The following AQP7B variants were observed in gnomAD, a reference collection of about 807,000 sequenced individuals.
AQP7B encodes putative aquaporin-7B.
the AQP7B span, among the ~76,000 whole-genome samples, chr2:94,602,811 A>G: frequency 6.6e-6 from 1 of 151,818 alleles, no homozygotes; most frequent in Admixed American, 6.6e-5. Context: ...CTGACCTACC[A>G]TTTTCACTGG....
chr2:94,603,331 C>A, the AQP7B span: 1 of 1,548,266 alleles, frequency 6.5e-7, no homozygotes. Flanking sequence ...TTCTGGGACC[C>A]CAGTGGGGCT....
At chr2:94,593,211 G>C in the AQP7B span, among the ~76,000 whole-genome samples, 1 of 152,020 alleles carries the variant, frequency 6.6e-6, no homozygotes, top group East Asian at 1.9e-4. Context: ...GAATGGCCTA[G>C]AGGAGAGGGT....
chr2:94,596,842 G>A, the AQP7B span, among the ~76,000 whole-genome samples: 1 of 152,110 alleles, frequency 6.6e-6, no homozygotes, highest in Admixed American at 6.5e-5. Context: ...TGGGACTACA[G>A]GCACGTGCCA....
the AQP7B span, chr2:94,594,948 A>G: frequency 1.2e-6 from 1 of 846,508 alleles, no homozygotes; most frequent in Non-Finnish European, 1.9e-6. Context: ...TGCTGACCCC[A>G]TGGGTCACAT....
At chr2:94,602,631 G>C in the AQP7B span, 1 of 1,580,198 alleles carries the variant, frequency 6.3e-7, no homozygotes, top group Admixed American at 1.7e-5. Context: ...TGAGCCCAGG[G>C]CCTACCAGAC....
the AQP7B span, among the ~76,000 whole-genome samples, chr2:94,596,927 C>T: frequency 0.022 from 3,293 of 152,202 alleles, 123 homozygotes; most frequent in African/African-American, 0.076. Context: ...CTCGAACTCC[C>T]GAATTCAGGT....
chr2:94,587,657 C>T, the AQP7B span, among the ~76,000 whole-genome samples: 435 of 152,196 alleles, frequency 2.9e-3, 2 homozygotes, highest in African/African-American at 9.8e-3. Flanking sequence ...GTTGGGAGGA[C>T]CAGCAGTAGA....
At chr2:94,595,518 A>G in the AQP7B span, among the ~76,000 whole-genome samples, 4 of 152,114 alleles carry the variant, frequency 2.6e-5, no homozygotes, top group African/African-American at 7.2e-5. Context: ...CTGGAGGGCA[A>G]TGGGTGATGT....
chr2:94,589,992 C>A, the AQP7B span, among the ~76,000 whole-genome samples: 1 of 152,204 alleles, frequency 6.6e-6, no homozygotes. Context: ...CAGGCCACCA[C>A]CCGCCCATTC....
At chr2:94,599,384 C>A in the AQP7B span, among the ~76,000 whole-genome samples, 3 of 152,148 alleles carry the variant, frequency 2.0e-5, no homozygotes, top group Non-Finnish European at 2.9e-5. Context: ...GCCTCTCCCC[C>A]ACCATATCTG....
At chr2:94,604,418 G>T in the AQP7B span, 11 of 1,611,434 alleles carry the variant, frequency 6.8e-6, no homozygotes, top group Non-Finnish European at 9.3e-6. Context: ...GGACTCTGTG[G>T]CGTATGAAGA....
chr2:94,592,014 T>C, the AQP7B span, among the ~76,000 whole-genome samples: 14 of 152,338 alleles, frequency 9.2e-5, 1 homozygote, highest in Admixed American at 2.6e-4. Flanking sequence ...GCATAGTGGA[T>C]TCAAGAAATC....
chr2:94,601,039 C>T, the AQP7B span, among the ~76,000 whole-genome samples: 1 of 152,164 alleles, frequency 6.6e-6, no homozygotes, highest in Non-Finnish European at 1.5e-5. Flanking sequence ...GAGCAAAACC[C>T]TATCTCAAGC....
the AQP7B span, among the ~76,000 whole-genome samples, chr2:94,591,565 T>C: frequency 6.6e-6 from 1 of 152,056 alleles, no homozygotes; most frequent in Non-Finnish European, 1.5e-5. Context: ...CCTGCTGAAA[T>C]CCTCCACTTG....
the AQP7B span, chr2:94,604,206 TCAAC>T: frequency 7.2e-7 from 1 of 1,392,442 alleles, no homozygotes; most frequent in South Asian, 1.4e-5. Flanking sequence ...ACTCCTCTGC[TCAAC>T]CAGTCTTCGC....
chr2:94,587,877 G>A, the AQP7B span, among the ~76,000 whole-genome samples: 2 of 152,072 alleles, frequency 1.3e-5, no homozygotes, highest in African/African-American at 4.8e-5. Flanking sequence ...AGTCAGGGCT[G>A]GAGATAAGAG....
the AQP7B span, chr2:94,604,605 C>G: frequency 6.5e-7 from 1 of 1,528,218 alleles, no homozygotes; most frequent in Non-Finnish European, 8.8e-7. Flanking sequence ...ATCCCTTCCC[C>G]AATAAAGCAA....
At chr2:94,597,328 G>A in the AQP7B span, among the ~76,000 whole-genome samples, 4 of 152,172 alleles carry the variant, frequency 2.6e-5, no homozygotes, top group Non-Finnish European at 5.9e-5. Flanking sequence ...AGCTGTTAGG[G>A]AAATAGGCAC....
At chr2:94,588,573 C>T in the AQP7B span, 3 of 714,360 alleles carry the variant, frequency 4.2e-6, no homozygotes, top group Admixed American at 2.3e-5. Context: ...TCTTCTCACC[C>T]TCCAGCCCCC....
Sources: allele counts gnomAD v4.1 joint callset (sites outside exome capture counted in the v4.1 genomes callset), GRCh38; gene constraint gnomAD v4.1.1; transcripts MANE v1.5; gene names NCBI Gene and HGNC (gene_info 2026-07-23, HGNC 2026-07-21).